Variants in PCDH15 observed in about 807,000 individuals in gnomAD.
PCDH15 encodes the protein protocadherin related 15.
A neutral mutation model predicts 178.5 loss-of-function variants in PCDH15; 129 were observed. That is an observed-to-expected ratio of 0.72 (90% CI 0.63 to 0.84). The LOEUF is 0.84. Ranked by LOEUF, PCDH15 falls within the 40% of genes least tolerant of loss-of-function variation. The pLI is 0.00. For synonymous variants in PCDH15, 800 were observed against 732.0 expected (o/e 1.09, Z -1.50); for missense variants, 2,230 against 2,099.9 (o/e 1.06, Z -1.21).
chr10:54,309,359 C>A (rs1266405325), intron 8 of PCDH15, among the ~76,000 whole-genome samples: 3 of 149,938 alleles, frequency 2.0e-5, no homozygotes, highest in African/African-American at 7.4e-5. Flanking sequence ...ACACACACTT[C>A]ACATATGTAC....
At chr10:54,249,066 T>C (rs1007169899) in intron 8 of PCDH15, among the ~76,000 whole-genome samples, 7 of 151,960 alleles carry the variant, frequency 4.6e-5, no homozygotes, top group African/African-American at 1.7e-4. Flanking sequence ...GAAGCAAAAA[T>C]ATTTATAACC....
In PCDH15 at chr10:54,239,436, G is replaced by T. The variant is rs1014252701; in HGVS notation, c.877-2505C>A. Among the ~76,000 whole-genome samples, 143 of 146,452 alleles carry T rather than the reference G, an allele frequency of 9.8e-4. 1 individual carries two copies. Among genetic ancestry groups the T allele is most frequent in the African/African-American group, 3.7e-3 (141 of 38,076 alleles). On this transcript the variant is annotated intron_variant, in intron 8 of 37. Coordinates refer to ENST00000644397, the MANE Select transcript of PCDH15 (RefSeq NM_001384140.1). Reference sequence around the variant, plus strand: ...TTAAATATATATATATATATATAGAGTAAGAACTGAAGAACTAAAAAGAAA... The same window carrying T: ...TTAAATATATATATATATATATAGATTAAGAACTGAAGAACTAAAAAGAAA...
At chr10:55,432,573 T>C (rs1207986421) in intron 2 of PCDH15, among the ~76,000 whole-genome samples, 2 of 152,090 alleles carry the variant, frequency 1.3e-5, no homozygotes, top group Non-Finnish European at 2.9e-5. Context: ...AAAAATTAGA[T>C]TGATTCTGGG....
At chr10:54,185,548 C>T (rs1390729853) in intron 11 of PCDH15, among the ~76,000 whole-genome samples, 2 of 151,846 alleles carry the variant, frequency 1.3e-5, no homozygotes, top group African/African-American at 4.8e-5. Flanking sequence ...AATATAAAAA[C>T]TCCCAATTAA....
At chr10:54,008,810 G>C (rs537189611) in intron 20 of PCDH15, among the ~76,000 whole-genome samples, 1 of 152,070 alleles carries the variant, frequency 6.6e-6, no homozygotes, top group Non-Finnish European at 1.5e-5. Flanking sequence ...CAAGTCATAT[G>C]AGTAGACAAG....
intron 13 of PCDH15, among the ~76,000 whole-genome samples, chr10:54,159,203 C>A (rs554181501): frequency 6.6e-6 from 1 of 151,874 alleles, no homozygotes; most frequent in African/African-American, 2.4e-5. Flanking sequence ...TTGGCTCTTG[C>A]TTCCAGTAAA....
intron 2 of PCDH15, among the ~76,000 whole-genome samples, chr10:55,128,647 T>A (rs1479118637): frequency 6.6e-6 from 1 of 152,064 alleles, no homozygotes; most frequent in Non-Finnish European, 1.5e-5. Context: ...ATACACTTAT[T>A]CAGAAATTTT....
At chr10:55,598,299 G>A (rs1418698277) in intron 2 of PCDH15, among the ~76,000 whole-genome samples, 5 of 150,430 alleles carry the variant, frequency 3.3e-5, no homozygotes, top group African/African-American at 1.2e-4. Flanking sequence ...AACAGCTAAG[G>A]CACAAACTGG....
intron 1 of PCDH15, among the ~76,000 whole-genome samples, chr10:55,186,384 A>G (rs761457471): frequency 2.4e-4 from 37 of 151,270 alleles, no homozygotes; most frequent in African/African-American, 3.1e-4. Context: ...GCCTAAAAGA[A>G]GATTTCAACA....
intron 28 of PCDH15, among the ~76,000 whole-genome samples, chr10:53,854,705 T>C (rs1053917615): frequency 6.6e-6 from 1 of 152,076 alleles, no homozygotes; most frequent in African/African-American, 2.4e-5. Flanking sequence ...TTTGAGCTGC[T>C]AGCTCCATTT....
chr10:54,711,765 AT>A (rs35612607), intron 1 of PCDH15, among the ~76,000 whole-genome samples: 86,688 of 151,632 alleles, frequency 0.57, 26,296 homozygotes, highest in Middle Eastern at 0.72. Flanking sequence ...AAAAGTTATT[AT>A]TTTTTTAAAC....
chr10:53,819,193 T>TAAAC (rs975386202), intron 33 of PCDH15, among the ~76,000 whole-genome samples: 2 of 152,016 alleles, frequency 1.3e-5, no homozygotes, highest in Admixed American at 6.6e-5. Context: ...TATTTAGGTT[T>TAAAC]AAACAATGAC....
intron 2 of PCDH15, among the ~76,000 whole-genome samples, chr10:54,959,708 G>A (rs898818399): frequency 4.6e-5 from 7 of 151,934 alleles, no homozygotes; most frequent in Non-Finnish European, 7.4e-5. Context: ...GTCTATCATC[G>A]AATTTAGAGG....
In PCDH15 at chr10:55,468,355, G is replaced by A. The variant is rs1589055258; in HGVS notation, c.-156+159270C>T. On this transcript the variant is annotated intron_variant, in intron 2 of 5. Coordinates refer to the PCDH15 transcript ENST00000613346. Reference sequence around the variant, plus strand: ...ACACTTTGATTTCTTTTCAATCATAGTTTAAGCTAGGATTGGAATTTTGAG... The same window carrying A: ...ACACTTTGATTTCTTTTCAATCATAATTTAAGCTAGGATTGGAATTTTGAG... 3 of 152,102 alleles carry A rather than the reference G, an allele frequency of 2.0e-5. No homozygotes were observed. In the South Asian group the frequency reaches 6.2e-4, roughly 31 times the overall value. 9.4% of individuals were successfully genotyped at this position (152,102 alleles called of 1,614,324 possible).
intron 2 of PCDH15, among the ~76,000 whole-genome samples, chr10:55,417,089 A>T (rs1249649250): frequency 6.6e-6 from 1 of 151,850 alleles, no homozygotes; most frequent in Non-Finnish European, 1.5e-5. Context: ...GTTTAAAAAA[A>T]TTTAAAAAAC....
chr10:54,068,290 G>A (rs2135827509), intron 17 of PCDH15, among the ~76,000 whole-genome samples: 1 of 151,990 alleles, frequency 6.6e-6, no homozygotes, highest in Middle Eastern at 3.4e-3. Context: ...TATTAGTGAT[G>A]GCTTATTTCT....
At chr10:54,140,472 C>CTT (rs546498025) in intron 14 of PCDH15, among the ~76,000 whole-genome samples, 2 of 144,926 alleles carry the variant, frequency 1.4e-5, no homozygotes, top group Admixed American at 6.9e-5. Context: ...TTTATTTCTG[C>CTT]TTTTTTTTTT....
chr10:55,095,231 C>G (rs1842421252), intron 2 of PCDH15, among the ~76,000 whole-genome samples: 1 of 151,934 alleles, frequency 6.6e-6, no homozygotes, highest in Non-Finnish European at 1.5e-5. Context: ...TGTGAGCTAC[C>G]ACATCTGGCC....
intron 10 of PCDH15, among the ~76,000 whole-genome samples, chr10:54,200,035 C>T (rs762614732): frequency 1.1e-4 from 17 of 152,130 alleles, no homozygotes; most frequent in Non-Finnish European, 2.1e-4. Flanking sequence ...CTGATAATTT[C>T]TGAGCACCTT....
Sources: gnomAD v4.1 joint callset for allele counts (sites outside exome capture counted in the v4.1 genomes callset) on GRCh38, gnomAD v4.1.1 for gene constraint, MANE v1.5 for transcripts, NCBI Gene and HGNC (gene_info 2026-07-23, HGNC 2026-07-21) for gene names.